The following EML4 variants were observed in gnomAD, a reference collection of about 807,000 sequenced individuals.
EML4 encodes echinoderm microtubule-associated protein-like 4.
Under a neutral mutation model 129.0 loss-of-function variants are expected in EML4, and 72 were observed. That is an observed-to-expected ratio of 0.56 (90% CI 0.46 to 0.68). EML4 has a LOEUF of 0.68. EML4 is among the 30% of genes least tolerant of loss of function. The pLI is 0.00. For synonymous variants in EML4, 532 were observed against 405.0 expected (o/e 1.31, Z -3.77); for missense variants, 1,363 against 1,190.6 (o/e 1.14, Z -2.13).
chr2:42,182,432 T>A (rs943611195), intron 1 of EML4, among the ~76,000 whole-genome samples: 2 of 151,436 alleles, frequency 1.3e-5, no homozygotes, highest in Non-Finnish European at 1.5e-5. Context: ...TATGCCAGGC[T>A]GCCTTTCTCA....
chr2:42,296,145 T>C (rs1313990733), intron 13 of EML4, among the ~76,000 whole-genome samples: 1 of 152,156 alleles, frequency 6.6e-6, no homozygotes, highest in Non-Finnish European at 1.5e-5. Flanking sequence ...TTCGTTACTA[T>C]TTAAGAATAA....
intron 1 of EML4, among the ~76,000 whole-genome samples, chr2:42,211,555 T>C (rs912339483): frequency 6.6e-6 from 1 of 152,208 alleles, no homozygotes; most frequent in African/African-American, 2.4e-5. Flanking sequence ...AAGTGTGATA[T>C]GCCTAAAGTG....
rs150086749 is a variant in EML4 at position 42,224,573 on chromosome 2, G to A, written c.26-20932G>A. The stretch of plus-strand genomic sequence containing the variant: ...TTTCTCTTAGGTGTATACTTTAGGA[G>A]TGGCGTTGCTGGATTATATGGTGCC... On this transcript the variant is annotated intron_variant, in intron 1 of 22. Coordinates refer to ENST00000318522, the MANE Select transcript of EML4 (RefSeq NM_019063.5). Among the ~76,000 whole-genome samples the A allele has an allele frequency of 1.4e-3, 213 of 152,212 alleles. 2 individuals are homozygous for A. Among genetic ancestry groups the A allele is most frequent in the Non-Finnish European group, 2.4e-3 (165 of 67,982 alleles).
At chr2:42,201,476 T>G (rs540294943) in intron 1 of EML4, among the ~76,000 whole-genome samples, 95 of 152,292 alleles carry the variant, frequency 6.2e-4, no homozygotes, top group African/African-American at 2.2e-3. Context: ...ACGCTTTCTG[T>G]GATGAAGCAG....
intron 3 of EML4, among the ~76,000 whole-genome samples, chr2:42,259,051 A>G (rs1258039214): frequency 6.6e-6 from 1 of 152,166 alleles, no homozygotes; most frequent in Non-Finnish European, 1.5e-5. Flanking sequence ...GTTTGAGACC[A>G]GTCTGGCCAA....
At chr2:42,206,898 T>A (rs1025911490) in intron 1 of EML4, among the ~76,000 whole-genome samples, 14 of 152,244 alleles carry the variant, frequency 9.2e-5, no homozygotes, top group Admixed American at 7.9e-4. Context: ...ATCTTGGGTG[T>A]TACCTCTCTT....
At chr2:42,306,864 G>C (rs953167185) in intron 17 of EML4, among the ~76,000 whole-genome samples, 5 of 152,004 alleles carry the variant, frequency 3.3e-5, no homozygotes, top group African/African-American at 1.2e-4. Context: ...TATCGTGATT[G>C]CACAGACAGG....
intron 1 of EML4, among the ~76,000 whole-genome samples, chr2:42,180,321 T>C (rs1297587561): frequency 1.3e-5 from 2 of 152,248 alleles, no homozygotes; most frequent in African/African-American, 2.4e-5. Flanking sequence ...GGTTCAGATT[T>C]AGCCAACAGA....
intron 1 of EML4, among the ~76,000 whole-genome samples, chr2:42,200,581 C>G (rs1357150789): frequency 6.6e-6 from 1 of 152,196 alleles, no homozygotes; most frequent in Non-Finnish European, 1.5e-5. Flanking sequence ...GGCTTGAACT[C>G]CCTTTCTCCA....
intron 1 of EML4, among the ~76,000 whole-genome samples, chr2:42,224,866 C>T (rs1310387194): frequency 6.6e-6 from 1 of 152,062 alleles, no homozygotes. Context: ...GCAACCATCA[C>T]CCGTATGTTT....
chr2:42,260,662 G>A (rs1038653976), intron 3 of EML4, among the ~76,000 whole-genome samples: 2 of 152,034 alleles, frequency 1.3e-5, no homozygotes, highest in Admixed American at 1.3e-4. Context: ...TAAACTCTTG[G>A]TAAGTTTAAA....
intron 1 of EML4, among the ~76,000 whole-genome samples, chr2:42,231,188 G>T (rs935231807): frequency 6.6e-6 from 1 of 152,156 alleles, no homozygotes; most frequent in African/African-American, 2.4e-5. Context: ...AAATCAGATG[G>T]ACCATTTTTA....
At chr2:42,310,137 G>A (rs2041355) in intron 17 of EML4, among the ~76,000 whole-genome samples, 71,720 of 151,900 alleles carry the variant, frequency 0.47, 17,447 homozygotes, top group East Asian at 0.74. Context: ...AAACAAATTG[G>A]CCAAAGATGT....
chr2:42,177,333 T>G (rs1670664742), intron 1 of EML4, among the ~76,000 whole-genome samples: 1 of 152,020 alleles, frequency 6.6e-6, no homozygotes, highest in Non-Finnish European at 1.5e-5. Flanking sequence ...ATTGTAAAAT[T>G]ACTTTGAAAA....
At chr2:42,245,135 C>G (rs1675314928) in intron 1 of EML4, among the ~76,000 whole-genome samples, 1 of 70,336 alleles carries the variant, frequency 1.4e-5, no homozygotes, top group Non-Finnish European at 2.5e-5. Context: ...TGCTCTGTTG[C>G]CCAGACTAGA....
At chr2:42,223,905 C>G (rs1673780079) in intron 1 of EML4, among the ~76,000 whole-genome samples, 1 of 152,244 alleles carries the variant, frequency 6.6e-6, no homozygotes, top group South Asian at 2.1e-4. Context: ...GGCCTTTTCA[C>G]ATACTAATAA....
chr2:42,246,774 A>T (rs553290625), intron 2 of EML4, among the ~76,000 whole-genome samples: 2 of 152,328 alleles, frequency 1.3e-5, no homozygotes, highest in South Asian at 4.1e-4. Context: ...GAGCTCCAAC[A>T]TTTCAGCATA....
chr2:42,175,067 T>A (rs1670523264), intron 1 of EML4, among the ~76,000 whole-genome samples: 2 of 151,740 alleles, frequency 1.3e-5, no homozygotes, highest in African/African-American at 4.8e-5. Flanking sequence ...TCCACCCACC[T>A]TGGCCTCCCT....
intron 1 of EML4, among the ~76,000 whole-genome samples, chr2:42,213,907 T>A (rs574356340): frequency 6.6e-6 from 1 of 152,254 alleles, no homozygotes; most frequent in African/African-American, 2.4e-5. Flanking sequence ...TATGCAGTTA[T>A]AATTTGTAAG....
Sources: gnomAD v4.1 joint callset for allele counts (sites outside exome capture counted in the v4.1 genomes callset) on GRCh38, gnomAD v4.1.1 for gene constraint, MANE v1.5 for transcripts, NCBI Gene and HGNC (gene_info 2026-07-23, HGNC 2026-07-21) for gene names.